ACOT11: variants seen among roughly 807,000 people sequenced by gnomAD.
ACOT11 encodes the protein acyl-CoA thioesterase 11.
ACOT11 carries 69 observed loss-of-function variants against 77.5 expected under a neutral mutation model. The observed-to-expected ratio is 0.89, with a 90% CI of 0.73 to 1.09. ACOT11 has a LOEUF of 1.09. ACOT11 is among the 50% of genes least tolerant of loss of function. ACOT11 has a pLI of 0.00. For missense variants in ACOT11, 766 were observed against 813.7 expected, an observed-to-expected ratio of 0.94 and a Z score of 0.71; for synonymous variants, 279 against 313.0, an observed-to-expected ratio of 0.89 and a Z score of 1.15.
Position 54,594,044 on chromosome 1 carries a change from C to G in ACOT11, c.471+5C>G. 2 of 1,612,418 alleles carry G rather than the reference C, an allele frequency of 1.2e-6. No homozygotes were observed. Among genetic ancestry groups the G allele is most frequent in the Non-Finnish European group, 1.7e-6 (2 of 1,179,104 alleles). Reference sequence around the variant, plus strand: ...GCCCGCCGAGAGATCACCAAGGTAACTGGGTGCGCCTGGCTGCTGGAACGC... The same window carrying G: ...GCCCGCCGAGAGATCACCAAGGTAAGTGGGTGCGCCTGGCTGCTGGAACGC... On this transcript the variant is annotated splice_donor_5th_base_variant and intron_variant, in intron 5 of 15. Coordinates refer to ENST00000343744, the MANE Select transcript of ACOT11 (RefSeq NM_147161.4).
chr1:54,568,345 GT>G (rs201035098), intron 1 of ACOT11, among the ~76,000 whole-genome samples: 1,871 of 146,922 alleles, frequency 0.013, 19 homozygotes, highest in Non-Finnish European at 0.023. Context: ...TCTGTTTAAG[GT>G]TTTCCCAGCA....
chr1:54,569,376 C>G (rs1653856538), intron 1 of ACOT11, among the ~76,000 whole-genome samples: 1 of 152,316 alleles, frequency 6.6e-6, no homozygotes, highest in South Asian at 2.1e-4. Flanking sequence ...TTTCTGTCCT[C>G]TAATCCAGCC....
rs61744146 is a variant in ACOT11, at chr1:54,609,778, C to T, written c.*666C>T. ...GGGATGGCCGGAGGGCTGCGGGCTC[C>T]GCTATTTGCAAATGGATGCCCCAGT... On this transcript the variant is annotated 3_prime_UTR_variant, in exon 16 of 16. Transcript: ENST00000343744. The T allele has an allele frequency of 7.6e-4, 1,231 of 1,614,166 alleles. No homozygotes were observed. The highest frequency in any genetic ancestry group is 8.7e-4 in the Non-Finnish European group (1,027 of 1,180,020).
chr1:54,630,974 C>G, intron 16 of ACOT11: 1 of 534,756 alleles, frequency 1.9e-6, no homozygotes, highest in Non-Finnish European at 3.4e-6. Context: ...CTTTTTCACA[C>G]TGATAACGAG....
intron 3 of ACOT11, among the ~76,000 whole-genome samples, chr1:54,587,178 A>G (rs568638142): frequency 9.9e-4 from 151 of 152,276 alleles, no homozygotes; most frequent in Non-Finnish European, 1.7e-3. Flanking sequence ...GGGGAGGCAG[A>G]TGTAGGAACG....
chr1:54,563,266 T>C (rs1026429317), intron 1 of ACOT11, among the ~76,000 whole-genome samples: 10 of 152,190 alleles, frequency 6.6e-5, no homozygotes, highest in African/African-American at 2.4e-4. Flanking sequence ...GGATTATAGG[T>C]GTCAGCCACT....
intron 3 of ACOT11, 115 bp from the exon 4 acceptor site, chr1:54,592,431 A>G: frequency 2.0e-6 from 2 of 1,000,542 alleles, no homozygotes; most frequent in South Asian, 3.3e-5. Context: ...TATGCCCTGC[A>G]AGCCATGAAG....
At chr1:54,626,809 T>C (rs1207834041) in intron 15 of ACOT11, among the ~76,000 whole-genome samples, 1 of 135,418 alleles carries the variant, frequency 7.4e-6, no homozygotes, top group East Asian at 2.3e-4. Flanking sequence ...ATTTTGGAAC[T>C]GCTGCTTATT....
rs1282955035 is a variant in ACOT11, at chr1:54,594,607, A to G, written c.523A>G (p.Ser175Gly). 4 of 1,614,118 alleles carry G rather than the reference A, an allele frequency of 2.5e-6. No homozygotes were observed. The highest frequency in any genetic ancestry group is 3.4e-6 in the Non-Finnish European group (4 of 1,180,012). ...GACAGAAGAGGAGAAGATGGAGCACAGTGTGGCGGCTGAGCGCCGGCGCAT... is the reference window on the plus strand; with the variant it reads ...GACAGAAGAGGAGAAGATGGAGCACGGTGTGGCGGCTGAGCGCCGGCGCAT... Reference protein sequence around the residue: ...PRTEEEKMEHSVAAERRRMRL... With the variant: ...PRTEEEKMEHGVAAERRRMRL... Residue 175 changes from serine (S) to glycine (G), a missense_variant, in exon 6 of 16, where the codon AGT becomes GGT. Transcript: ENST00000343744.
chr1:54,631,209 T>C (rs928429694), intron 16 of ACOT11, among the ~76,000 whole-genome samples: 2 of 152,286 alleles, frequency 1.3e-5, no homozygotes, highest in Admixed American at 1.3e-4. Context: ...CGACGTCTCT[T>C]AGTTCTATTC....
At position 54,609,006 on chromosome 1, in the gene ACOT11, C is replaced by T; in HGVS notation, c.1679C>T (p.Thr560Ile). The T allele has an allele frequency of 6.2e-7, 1 of 1,611,240 alleles. No homozygotes were observed. Among genetic ancestry groups the T allele is most frequent in the East Asian group, 2.2e-5 (1 of 44,668 alleles). Residue 560 changes from threonine to isoleucine, a missense_variant, in exon 16 of 16, where the codon ACC becomes ATC. Thr to Ile is a moderately conservative substitution (Grantham distance 89). Transcript: ENST00000343744. ...CCAGGTGTTCTCAACTATGTGACCACCAACGTGGCCGGCCTCTCCTCTGAG... is the reference window on the plus strand; with the variant it reads ...CCAGGTGTTCTCAACTATGTGACCATCAACGTGGCCGGCCTCTCCTCTGAG... ...ATPGVLNYVT[T>I]NVAGLSSEFY...
rs138880093 is a variant in ACOT11, at chr1:54,609,679, G to A, written c.*567G>A. ...CATGGCCGGGGACCGAAAAACTCCC[G>A]TGGGAGATTTTGGCCCCAACCCACA... On this transcript the variant is annotated 3_prime_UTR_variant, in exon 16 of 16. Coordinates refer to ENST00000343744, the MANE Select transcript of ACOT11 (RefSeq NM_147161.4). The A allele has an allele frequency of 8.0e-4, 1,289 of 1,614,004 alleles. 9 individuals carry two copies. In the East Asian group the frequency reaches 0.021, roughly 26 times the overall value.
exon 17 of ACOT11, chr1:54,634,823 A>G: frequency 1.5e-6 from 1 of 649,964 alleles, no homozygotes; most frequent in South Asian, 1.7e-5. Flanking sequence ...GCTGAGGAGG[A>G]CTCCAACTAT....
chr1:54,606,219 C>G (rs182090580), intron 13 of ACOT11, among the ~76,000 whole-genome samples: 1 of 151,928 alleles, frequency 6.6e-6, no homozygotes, highest in African/African-American at 2.4e-5. Flanking sequence ...TGGTGGATGT[C>G]GTGTAGGGGG....
chr1:54,620,114 C>A, intron 15 of ACOT11: 1 of 1,212,912 alleles, frequency 8.2e-7, no homozygotes. Flanking sequence ...TCCAGTACCC[C>A]ATCTGGCAGA....
rs1266880228 is a variant in ACOT11, at chr1:54,604,330, C to T, written c.1153-16C>T. On this transcript the variant is annotated splice_polypyrimidine_tract_variant and intron_variant, in intron 11 of 15. Transcript: ENST00000343744. Reference sequence around the variant, plus strand: ...GAAGGGGGTGGGGTAGTGGTAGCACCTGTGTACTCTTTCAGGTGTACCTGA... The same window carrying T: ...GAAGGGGGTGGGGTAGTGGTAGCACTTGTGTACTCTTTCAGGTGTACCTGA... 6.2e-7 allele frequency: 1 copy of T among 1,612,374 alleles called. No homozygotes were observed.
chr1:54,583,601 A>G (rs12411272), intron 1 of ACOT11, among the ~76,000 whole-genome samples: 23,011 of 152,166 alleles, frequency 0.15, 3,188 homozygotes, highest in African/African-American at 0.37. Flanking sequence ...AGACCTCTGG[A>G]GTCACAGCTG....
At chr1:54,608,815 T>C (rs1200619400) in intron 15 of ACOT11, 142 bp from the exon 16 acceptor site, 1 of 786,790 alleles carries the variant, frequency 1.3e-6, no homozygotes, top group Non-Finnish European at 2.1e-6. Context: ...TCTAAGACCC[T>C]GGGGAGTTGG....
intron 1 of ACOT11, among the ~76,000 whole-genome samples, chr1:54,574,939 C>T (rs1280047842): frequency 1.3e-5 from 2 of 152,242 alleles, no homozygotes; most frequent in African/African-American, 4.8e-5. Context: ...TCTCTCCTTT[C>T]ATCCACATGC....
Sources: gnomAD v4.1 joint callset for allele counts (sites outside exome capture counted in the v4.1 genomes callset) on GRCh38, gnomAD v4.1.1 for gene constraint, MANE v1.5 for transcripts, NCBI Gene and HGNC (gene_info 2026-07-23, HGNC 2026-07-21) for gene names.